SPNS3: variants seen among roughly 807,000 people sequenced by gnomAD.
The protein encoded by SPNS3 is protein spinster homolog 3.
A neutral mutation model predicts 54.4 loss-of-function variants in SPNS3; 51 were observed. That is an observed-to-expected ratio of 0.94 (90% CI 0.75 to 1.18). The LOEUF (loss-of-function observed/expected upper bound fraction) is 1.18, where lower values mean the gene tolerates loss of function less well. SPNS3 is among the 50% of genes most tolerant of loss of function. SPNS3 has a pLI of 0.00. For synonymous variants in SPNS3, 309 were observed against 294.7 expected, an observed-to-expected ratio of 1.05 and a Z score of -0.50; for missense variants, 669 against 677.4, an observed-to-expected ratio of 0.99 and a Z score of 0.14.
chr17:4,445,080 G>A lies in SPNS3; in HGVS notation c.314G>A (p.Gly105Asp). 6.2e-7 allele frequency: 1 copy of A among 1,614,156 alleles called. No individual in the cohort carries two copies. The highest frequency in any genetic ancestry group is 8.5e-7 in the Non-Finnish European group (1 of 1,180,010). Residue 105 changes from glycine (G) to aspartate (D), a missense_variant, in exon 3 of 12, where the codon GGC becomes GAC. Gly to Asp is a moderately conservative substitution (Grantham distance 94). Transcript: ENST00000355530. ...TCTGCACCTGTGTTTGGCTACCTGG[G>A]CGACCGACATAGCCGCAAGGCTACC... ...LLSAPVFGYL[G>D]DRHSRKATMS...
intron 8 of SPNS3, among the ~76,000 whole-genome samples, chr17:4,466,189 G>C (rs1435566215): frequency 1.3e-5 from 2 of 152,242 alleles, no homozygotes; most frequent in Non-Finnish European, 2.9e-5. Flanking sequence ...CCAGGCACTG[G>C]AGTACAGCAT....
intron 5 of SPNS3, 76 bp from the exon 6 acceptor site, chr17:4,448,079 T>C: frequency 7.1e-7 from 1 of 1,409,336 alleles, no homozygotes; most frequent in Non-Finnish European, 9.3e-7. Flanking sequence ...GCTGATACTG[T>C]GGCCAGTTGC....
In SPNS3 at chr17:4,446,929, G is replaced by C. The variant is rs375079167; in HGVS notation, c.588G>C (p.Thr196=). The C allele has an allele frequency of 1.5e-5, 25 of 1,614,136 alleles. No homozygotes were observed. The highest frequency in any genetic ancestry group is 2.0e-5 in the Non-Finnish European group (24 of 1,180,020). ...GLGYVLGSAV[T]MLTGNWRWAL... ...GCTACGTGCTGGGGTCGGCTGTGAC[G>C]ATGCTGACTGGGAACTGGCGCTGGG... The change falls in exon 5 of 12, where the codon ACG becomes ACC. Residue 196 remains threonine, a synonymous_variant. Coordinates refer to ENST00000355530, the MANE Select transcript of SPNS3 (RefSeq NM_182538.5).
chr17:4,473,200 C>T (rs536525277), intron 8 of SPNS3, among the ~76,000 whole-genome samples: 2 of 152,200 alleles, frequency 1.3e-5, no homozygotes, highest in African/African-American at 2.4e-5. Context: ...GTCTGTGACG[C>T]AACTTTCAAT....
At position 4,486,254 on chromosome 17, in the gene SPNS3, G is replaced by T; in HGVS notation, c.1206G>T (p.Gly402=). Residue 402 remains glycine (G), a synonymous_variant, in exon 10 of 12, where the codon GGG becomes GGT. Coordinates refer to ENST00000355530, the MANE Select transcript of SPNS3 (RefSeq NM_182538.5). The surrounding 1 kb of genome is among the most constrained non-coding windows in gnomAD (Gnocchi z 5.5). The stretch of plus-strand genomic sequence containing the variant: ...CTGTGGTGGTGCCCAGATGCCGGGG[G>T]ACGGCAGAGGCACTTCAGATCACGG... The part of the protein sequence containing the change: ...LLSVVVPRCR[G]TAEALQITVG... The T allele has an allele frequency of 1.3e-6, 2 of 1,571,750 alleles. No individual in the cohort carries two copies. The highest frequency in any genetic ancestry group is 1.7e-6 in the Non-Finnish European group (2 of 1,162,402).
chr17:4,453,432 T>C (rs1289400973), intron 8 of SPNS3, among the ~76,000 whole-genome samples: 1 of 152,122 alleles, frequency 6.6e-6, no homozygotes, highest in African/African-American at 2.4e-5. Flanking sequence ...GCCTGGCCAA[T>C]ATGGTGAAAC....
At chr17:4,454,897 A>G (rs922230295) in intron 8 of SPNS3, among the ~76,000 whole-genome samples, 3 of 143,628 alleles carry the variant, frequency 2.1e-5, no homozygotes, top group Admixed American at 7.2e-5. Flanking sequence ...TGCTGAGATT[A>G]CAGTCGTGAG....
Position 4,448,215 on chromosome 17 carries a change from C to A in SPNS3, c.682C>A (p.Pro228Thr). The change falls in exon 6 of 12, where the codon CCC (proline) becomes ACC (threonine). Residue 228 changes from proline (P) to threonine (T), a missense_variant. Coordinates refer to ENST00000355530, the MANE Select transcript of SPNS3 (RefSeq NM_182538.5). The part of the protein sequence containing the change: ...ILLILLVPDP[P>T]RGAAETQGEG... ...GCTTATCCTGCTGGTTCCAGACCCA[C>A]CCCGGGGAGCTGCCGAGACACAGGG... The A allele has an allele frequency of 6.2e-7, 1 of 1,604,002 alleles. No individual in the cohort carries two copies. The highest frequency in any genetic ancestry group is 8.5e-7 in the Non-Finnish European group (1 of 1,175,448).
intron 7 of SPNS3, 31 bp downstream of exon 7, chr17:4,449,418 G>T: frequency 6.4e-7 from 1 of 1,550,626 alleles, no homozygotes. Flanking sequence ...TGGGCACCTG[G>T]CCCGGCTCGG....
intron 8 of SPNS3, among the ~76,000 whole-genome samples, chr17:4,474,199 C>G (rs1246618258): frequency 6.6e-6 from 1 of 152,252 alleles, no homozygotes; most frequent in Non-Finnish European, 1.5e-5. Flanking sequence ...TCAGTCCCCA[C>G]CTGCCTGCCC....
intron 8 of SPNS3, among the ~76,000 whole-genome samples, chr17:4,477,180 G>C (rs537616745): frequency 6.6e-6 from 1 of 152,328 alleles, no homozygotes; most frequent in Admixed American, 6.5e-5. Context: ...GGTGGGGGGC[G>C]CTCACCAGGA....
Position 4,448,219 on chromosome 17 carries a change from G to A in SPNS3, c.686G>A (p.Arg229Gln), listed in dbSNP as rs764514399. 2.1e-5 allele frequency: 34 copies of A among 1,603,962 alleles called. No homozygotes were observed. Among genetic ancestry groups the A allele is most frequent in the South Asian group, 4.5e-5 (4 of 89,118 alleles). The stretch of plus-strand genomic sequence containing the variant: ...ATCCTGCTGGTTCCAGACCCACCCC[G>A]GGGAGCTGCCGAGACACAGGGGGAG... Reference protein sequence around the residue: ...LLILLVPDPPRGAAETQGEGA... With the variant: ...LLILLVPDPPQGAAETQGEGA... Residue 229 changes from arginine to glutamine, a missense_variant, in exon 6 of 12, where the codon CGG (arginine) becomes CAG (glutamine). By Grantham distance (43) the Arg-to-Gln change is conservative. Transcript: ENST00000355530.
chr17:4,467,142 T>C (rs575167955), intron 8 of SPNS3, among the ~76,000 whole-genome samples: 114 of 152,100 alleles, frequency 7.5e-4, no homozygotes, highest in African/African-American at 2.7e-3. Context: ...GCAGAGGCGA[T>C]GAAGTCAGAG....
chr17:4,445,926 C>G (rs1372711671), intron 3 of SPNS3, 122 bp from the exon 4 acceptor site: 8 of 1,166,660 alleles, frequency 6.9e-6, no homozygotes, highest in Non-Finnish European at 8.3e-6. Context: ...AGCCCCGATC[C>G]CCTCTCCCTA....
At chr17:4,478,366 G>A (rs758028922) in intron 8 of SPNS3, among the ~76,000 whole-genome samples, 2 of 152,134 alleles carry the variant, frequency 1.3e-5, no homozygotes, top group Non-Finnish European at 2.9e-5. Flanking sequence ...CTGGACACTC[G>A]CTTATGGGTC....
At chr17:4,463,487 G>T (rs926960888) in intron 8 of SPNS3, among the ~76,000 whole-genome samples, 12 of 151,294 alleles carry the variant, frequency 7.9e-5, no homozygotes, top group African/African-American at 2.7e-4. Context: ...CAGCACTTTG[G>T]GAGGTCAAGG....
intron 4 of SPNS3, 73 bp downstream of exon 4, chr17:4,446,272 C>A: frequency 1.3e-6 from 2 of 1,520,444 alleles, no homozygotes; most frequent in South Asian, 2.5e-5. Flanking sequence ...AGGGGCTGGA[C>A]CTGGGTAGGA....
rs1368403430 is a variant in SPNS3, at chr17:4,483,020, C to T, written c.1180-3208C>T. Among the ~76,000 whole-genome samples, 1 of 152,208 alleles carries T rather than the reference C, an allele frequency of 6.6e-6. No individual in the cohort carries two copies. The highest frequency in any genetic ancestry group is 2.4e-5 in the African/African-American group (1 of 41,462). On this transcript the variant is annotated intron_variant, in intron 9 of 11. Transcript: ENST00000355530. This position sits in a 1 kb window ranked among gnomAD's most constrained non-coding sequence, Gnocchi z 4.2. Reference sequence around the variant, plus strand: ...TCTCCCACCCCTCAGCAGACGTCCCCACAGTTCCCCGGAGAGTTGTCACCT... The same window carrying T: ...TCTCCCACCCCTCAGCAGACGTCCCTACAGTTCCCCGGAGAGTTGTCACCT...
Position 4,439,569 on chromosome 17 carries a change from C to CT in SPNS3, c.200-88dup. 4.1e-6 allele frequency: 5 copies of CT among 1,206,278 alleles called. 1 individual carries two copies. Among genetic ancestry groups the CT allele is most frequent in the African/African-American group, 3.0e-5 (2 of 67,014 alleles). The allele number at this position is 1,206,278 out of a possible 1,614,324, so 74.7% of individuals were successfully genotyped here. ...CCATGCCCTGTGCTGTGCTGGTCAG[C>CT]TGTGGCCCTGTGCCAAACCTGGAGC... On this transcript the variant is annotated intron_variant, in intron 1 of 11. Transcript: ENST00000355530.
Sources: gnomAD v4.1 joint callset for allele counts (sites outside exome capture counted in the v4.1 genomes callset) on GRCh38, gnomAD v4.1.1 for gene constraint, Gnocchi (gnomAD v3.1) non-coding constraint, MANE v1.5 for transcripts, NCBI Gene and HGNC (gene_info 2026-07-23, HGNC 2026-07-21) for gene names.